Variants in TRABD2B observed in about 807,000 individuals in gnomAD.
The protein encoded by TRABD2B is metalloprotease TIKI2.
Under a neutral mutation model 40.1 loss-of-function variants are expected in TRABD2B, and 14 were observed. The observed-to-expected ratio is 0.35, with a 90% confidence interval of 0.23 to 0.55. The LOEUF is 0.55. Ranked by LOEUF, TRABD2B falls within the 20% of genes least tolerant of loss-of-function variation. TRABD2B has a pLI of 0.90. For synonymous variants in TRABD2B, 263 were observed against 277.0 expected (o/e 0.95, Z 0.50); for missense variants, 541 against 648.6 (o/e 0.83, Z 1.80).
chr1:47,942,891 T>C (rs1181730623), intron 2 of TRABD2B, among the ~76,000 whole-genome samples: 1 of 152,238 alleles, frequency 6.6e-6, no homozygotes, highest in Non-Finnish European at 1.5e-5. Context: ...TCATGCTTCT[T>C]ACTTGCTATA....
chr1:47,922,442 G>A (rs1644915415), intron 2 of TRABD2B, among the ~76,000 whole-genome samples: 1 of 152,132 alleles, frequency 6.6e-6, no homozygotes, highest in African/African-American at 2.4e-5. Context: ...ATAACACAGA[G>A]TCTAAACCTT....
intron 2 of TRABD2B, among the ~76,000 whole-genome samples, chr1:47,975,322 G>A (rs1410660543): frequency 6.6e-6 from 1 of 152,194 alleles, no homozygotes; most frequent in African/African-American, 2.4e-5. Flanking sequence ...AAAAACATTT[G>A]TTAGGTGAAT....
At chr1:47,824,526 C>G (rs973690151) in intron 2 of TRABD2B, among the ~76,000 whole-genome samples, 1 of 152,188 alleles carries the variant, frequency 6.6e-6, no homozygotes, top group Admixed American at 6.5e-5. Context: ...CCCAGGCACA[C>G]AGTTCACCTG....
At chr1:47,893,074 G>A (rs1644470329) in intron 2 of TRABD2B, among the ~76,000 whole-genome samples, 1 of 152,168 alleles carries the variant, frequency 6.6e-6, no homozygotes. Flanking sequence ...GGTGAGACAG[G>A]TCTATGTCCA....
intron 5 of TRABD2B, among the ~76,000 whole-genome samples, chr1:47,777,733 G>A (rs1644466450): frequency 6.6e-6 from 1 of 152,194 alleles, no homozygotes; most frequent in Non-Finnish European, 1.5e-5. Flanking sequence ...CGAGCTGCAT[G>A]GAACCCTGGA....
intron 4 of TRABD2B, among the ~76,000 whole-genome samples, chr1:47,789,235 C>T (rs1644637661): frequency 1.3e-5 from 2 of 152,110 alleles, no homozygotes; most frequent in Admixed American, 6.6e-5. Flanking sequence ...GCCTGGGTGA[C>T]AACATCCACA....
rs550517645 is a variant in TRABD2B at position 47,877,208 on chromosome 1, G to C, written c.667-75589C>G. 3.3e-5 allele frequency among the ~76,000 whole-genome samples: 5 copies of C among 151,958 alleles called. No individual in the cohort carries two copies. The East Asian group carries it at 9.8e-4, about 30-fold the overall frequency. ...CTGTGTATATTTTGGCAATGGGGCTGGGGGGTGGGCAGGTGAATGTTTCAA... is the reference window on the plus strand; with the variant it reads ...CTGTGTATATTTTGGCAATGGGGCTCGGGGGTGGGCAGGTGAATGTTTCAA... On this transcript the variant is annotated intron_variant, in intron 2 of 6. Coordinates refer to ENST00000606738, the MANE Select transcript of TRABD2B (RefSeq NM_001194986.2).
intron 2 of TRABD2B, among the ~76,000 whole-genome samples, chr1:47,910,156 G>C (rs540575425): frequency 2.6e-5 from 4 of 152,166 alleles, no homozygotes; most frequent in Non-Finnish European, 4.4e-5. Context: ...TACTGTGCCT[G>C]GCAGGGATCA....
chr1:47,865,894 C>T (rs1644049576), intron 2 of TRABD2B, among the ~76,000 whole-genome samples: 1 of 152,122 alleles, frequency 6.6e-6, no homozygotes, highest in Non-Finnish European at 1.5e-5. Context: ...GGGTTCCCAT[C>T]TCAACTTTCC....
intron 2 of TRABD2B, among the ~76,000 whole-genome samples, chr1:47,842,746 G>A (rs1012942094): frequency 2.0e-5 from 3 of 152,168 alleles, no homozygotes; most frequent in African/African-American, 7.2e-5. Flanking sequence ...ACTGTTTATG[G>A]CAGTGAACAA....
At chr1:47,852,022 G>A (rs1333967163) in intron 2 of TRABD2B, among the ~76,000 whole-genome samples, 2 of 152,212 alleles carry the variant, frequency 1.3e-5, no homozygotes, top group Non-Finnish European at 2.9e-5. Context: ...AAGGCAGAGT[G>A]AGCAAAAGCA....
chr1:47,914,875 G>T (rs539212392), intron 2 of TRABD2B, among the ~76,000 whole-genome samples: 6 of 152,230 alleles, frequency 3.9e-5, no homozygotes, highest in African/African-American at 9.6e-5. Flanking sequence ...TGAATGCTGG[G>T]GGGGCAAGGA....
At chr1:47,894,894 A>T (rs984660191) in intron 2 of TRABD2B, among the ~76,000 whole-genome samples, 2 of 152,128 alleles carry the variant, frequency 1.3e-5, no homozygotes, top group Non-Finnish European at 2.9e-5. Context: ...GAGTGGCCAG[A>T]CGTGGCCACA....
intron 2 of TRABD2B, among the ~76,000 whole-genome samples, chr1:47,845,717 T>C (rs958514065): frequency 6.6e-6 from 1 of 152,230 alleles, no homozygotes; most frequent in Non-Finnish European, 1.5e-5. Context: ...ATACAAGGTA[T>C]GTGAATATAT....
intron 6 of TRABD2B, among the ~76,000 whole-genome samples, chr1:47,768,275 T>C (rs1644331796): frequency 6.6e-6 from 1 of 152,132 alleles, no homozygotes; most frequent in South Asian, 2.1e-4. Flanking sequence ...AAACTCTTGT[T>C]CCACCCAGAG....
intron 2 of TRABD2B, among the ~76,000 whole-genome samples, chr1:47,876,902 T>G (rs901450910): frequency 6.6e-6 from 1 of 152,176 alleles, no homozygotes; most frequent in African/African-American, 2.4e-5. Flanking sequence ...CAACTGTCTG[T>G]CAAGCTCTTC....
rs113462987 is a variant in TRABD2B at position 47,800,036 on chromosome 1, A to C, written c.813+1437T>G. Among the ~76,000 whole-genome samples the C allele has an allele frequency of 7.4e-5, 11 of 149,658 alleles. 1 individual carries two copies. Among genetic ancestry groups the C allele is most frequent in the South Asian group, 2.1e-4 (1 of 4,688 alleles). On this transcript the variant is annotated intron_variant, in intron 3 of 6. Transcript: ENST00000606738. ...CCTTCCTTCCTTCCTTCCTTCCTTCATTCATTCATTCAGCAAATGTTTACT... is the reference window on the plus strand; with the variant it reads ...CCTTCCTTCCTTCCTTCCTTCCTTCCTTCATTCATTCAGCAAATGTTTACT...
At chr1:47,850,218 C>G (rs540332416) in intron 2 of TRABD2B, among the ~76,000 whole-genome samples, 1 of 152,352 alleles carries the variant, frequency 6.6e-6, no homozygotes, top group Admixed American at 6.5e-5. Context: ...CCCAGTCCCT[C>G]TCAGCCAGGA....
At chr1:47,803,412 T>C (rs1196077391) in intron 2 of TRABD2B, among the ~76,000 whole-genome samples, 1 of 152,190 alleles carries the variant, frequency 6.6e-6, no homozygotes. Flanking sequence ...GCCACTGCCC[T>C]GAGAACAATC....
Sources: allele counts gnomAD v4.1 joint callset (sites outside exome capture counted in the v4.1 genomes callset), GRCh38; gene constraint gnomAD v4.1.1; transcripts MANE v1.5; gene names NCBI Gene and HGNC (gene_info 2026-07-23, HGNC 2026-07-21).